MROH7: variants seen among roughly 807,000 people sequenced by gnomAD.
MROH7 encodes maestro heat-like repeat-containing protein family member 7.
MROH7 carries 113 observed loss-of-function variants against 129.2 expected under a neutral mutation model. That is an observed-to-expected ratio of 0.87 (90% confidence interval 0.75 to 1.02). MROH7 has a LOEUF of 1.02. Among genes scored for constraint, MROH7 ranks in the 50% least tolerant of loss-of-function variants. The probability of loss-of-function intolerance (pLI) is 0.00; values close to 1 mark genes in which losing one functional copy is unlikely to be tolerated. For missense variants in MROH7, 1,601 were observed against 1,671.3 expected, an observed-to-expected ratio of 0.96 and a Z score of 0.73; for synonymous variants, 655 against 667.9, an observed-to-expected ratio of 0.98 and a Z score of 0.30.
At chr1:54,660,410 GAC>G (rs2101082615) in intron 3 of MROH7, among the ~76,000 whole-genome samples, 2 of 152,264 alleles carry the variant, frequency 1.3e-5, no homozygotes, top group East Asian at 3.9e-4. Context: ...TTTTGAAGGG[GAC>G]ACAAATATTC....
In MROH7 at chr1:54,672,167, A is replaced by G. The variant is rs79243912; in HGVS notation, c.1600-924A>G. Among the ~76,000 whole-genome samples, 1,224 of 152,096 alleles carry G rather than the reference A, an allele frequency of 8.0e-3. 19 individuals carry two copies. The highest frequency in any genetic ancestry group is 0.027 in the African/African-American group (1,138 of 41,474). On this transcript the variant is annotated intron_variant, in intron 7 of 23. Transcript: ENST00000421030. ...AGACTGGGGTTGTGGGGGTGACTGA[A>G]AAAAGGAGGCCGCCCTCTTGTAGTA... is the stretch of plus-strand genomic sequence containing the variant.
intron 17 of MROH7, chr1:54,695,765 A>T: frequency 2.2e-6 from 1 of 464,932 alleles, no homozygotes; most frequent in Non-Finnish European, 4.0e-6. Flanking sequence ...GAGACATATA[A>T]ATGTGAATTT....
chr1:54,701,978 G>A, intron 19 of MROH7, 112 bp from the exon 20 acceptor site: 2 of 959,844 alleles, frequency 2.1e-6, no homozygotes, highest in Non-Finnish European at 2.9e-6. Context: ...GCTGGGAAGA[G>A]TCGGGAGAGT....
intron 3 of MROH7, among the ~76,000 whole-genome samples, chr1:54,658,631 A>G (rs1644684430): frequency 6.6e-6 from 1 of 152,218 alleles, no homozygotes; most frequent in South Asian, 2.1e-4. Flanking sequence ...TTATAGAAGT[A>G]TACACTGTGG....
chr1:54,679,162 A>G (rs1645027796), intron 11 of MROH7, 101 bp from the exon 12 acceptor site: 24 of 1,185,718 alleles, frequency 2.0e-5, no homozygotes, highest in South Asian at 8.6e-5. Context: ...TGACCTCTGC[A>G]TGTGGGCGTC....
rs561951113 is a variant in MROH7 at position 54,679,577 on chromosome 1, G to A, written c.2226+138G>A. ...CCCCTAAGCCATGGGGCAGGGAAGG[G>A]GTGCTGGTGGCTGAGTTCTAGGTGC... On this transcript the variant is annotated intron_variant, in intron 12 of 23. Transcript: ENST00000421030. 2.2e-4 allele frequency: 212 copies of A among 984,130 alleles called. 1 individual carries two copies. The African/African-American group carries it at 3.3e-3, about 15-fold the overall frequency. The allele number at this position is 984,130 out of a possible 1,614,324, so 61.0% of individuals were successfully genotyped here. A position where few individuals can be genotyped will look rare whatever the true frequency, so the allele number is the denominator to read the frequency against.
At chr1:54,694,238 TTAA>T (rs1645285752) in intron 16 of MROH7, among the ~76,000 whole-genome samples, 2 of 152,230 alleles carry the variant, frequency 1.3e-5, no homozygotes, top group African/African-American at 2.4e-5. Context: ...CCCAGAGAAG[TTAA>T]GCATCTTTCC....
intron 14 of MROH7, 108 bp from the exon 15 acceptor site, chr1:54,686,150 G>C: frequency 1.0e-6 from 1 of 996,230 alleles, no homozygotes; most frequent in East Asian, 2.6e-5. Flanking sequence ...TGGGCCAGAG[G>C]ACAGCAAAGA....
At chr1:54,694,966 T>C (rs1645297400) in intron 16 of MROH7, among the ~76,000 whole-genome samples, 2 of 152,086 alleles carry the variant, frequency 1.3e-5, no homozygotes, top group East Asian at 1.9e-4. Context: ...ATCTATGAAA[T>C]GGGGATAATA....
intron 4 of MROH7, among the ~76,000 whole-genome samples, chr1:54,667,793 G>A (rs1283031146): frequency 1.3e-5 from 2 of 151,798 alleles, no homozygotes; most frequent in African/African-American, 4.8e-5. Flanking sequence ...AAAATCAGCT[G>A]GGCATGGTGG....
At chr1:54,670,599 TC>T (rs1644882276) in intron 6 of MROH7, 23 bp downstream of exon 6, 1 of 1,600,874 alleles carries the variant, frequency 6.2e-7, no homozygotes, top group African/African-American at 1.3e-5. Flanking sequence ...CTCTCCCTGT[TC>T]CCACAGCCCC....
chr1:54,685,166 G>C (rs1204522092), intron 14 of MROH7, among the ~76,000 whole-genome samples: 2 of 151,952 alleles, frequency 1.3e-5, no homozygotes, highest in Non-Finnish European at 2.9e-5. Context: ...ACAGGCACCC[G>C]CCACCACACC....
At chr1:54,670,697 T>C (rs1385309767) in intron 6 of MROH7, 103 bp from the exon 7 acceptor site, 15 of 1,425,734 alleles carry the variant, frequency 1.1e-5, no homozygotes, top group African/African-American at 1.4e-5. Context: ...CGGTGCCTTT[T>C]CCCCTCCCCT....
chr1:54,659,082 T>G (rs567172286), intron 3 of MROH7: 3 of 438,778 alleles, frequency 6.8e-6, no homozygotes, highest in South Asian at 1.6e-5. Context: ...TGTGTGGTTT[T>G]TTTGTTTGTT....
chr1:54,701,018 G>T, intron 18 of MROH7, 125 bp from the exon 19 acceptor site: 1 of 1,030,542 alleles, frequency 9.7e-7, no homozygotes, highest in African/African-American at 1.6e-5. Context: ...AGGTGGGATG[G>T]CATAGGCCAA....
chr1:54,656,213 T>C (rs931076035), intron 3 of MROH7, among the ~76,000 whole-genome samples: 6 of 151,648 alleles, frequency 4.0e-5, no homozygotes, highest in Non-Finnish European at 8.8e-5. Flanking sequence ...CTTTTTTAAT[T>C]GAAAAGTTTT....
At chr1:54,704,989 G>T (rs1247526423) in intron 21 of MROH7, among the ~76,000 whole-genome samples, 1 of 150,444 alleles carries the variant, frequency 6.6e-6, no homozygotes, top group Non-Finnish European at 1.5e-5. Context: ...AGTAGAGACG[G>T]AGTTTCTCCA....
rs767819886 is a variant in MROH7, at chr1:54,710,067, G to A, written c.3852G>A (p.Val1284=). Residue 1284 remains valine (V), a synonymous_variant, in exon 24 of 24, where the codon GTG becomes GTA. Coordinates refer to ENST00000421030, the MANE Select transcript of MROH7 (RefSeq NM_001039464.4). ...GGCTGCCGCACGGGAACTCATGGGTGTGTTACTCAGCCACCACCCACCGCT... is the reference window on the plus strand; with the variant it reads ...GGCTGCCGCACGGGAACTCATGGGTATGTTACTCAGCCACCACCCACCGCT... ...NSWLPHGNSW[V]CYSATTHRWS... is the part of the protein sequence containing the mutation. The A allele has an allele frequency of 6.2e-7, 1 of 1,614,090 alleles. No individual in the cohort carries two copies. Among genetic ancestry groups the A allele is most frequent in the Non-Finnish European group, 8.5e-7 (1 of 1,180,022 alleles).
At chr1:54,658,880 C>G (rs370209715) in intron 3 of MROH7, among the ~76,000 whole-genome samples, 1 of 152,130 alleles carries the variant, frequency 6.6e-6, no homozygotes, top group East Asian at 1.9e-4. Flanking sequence ...TAGCAACCTC[C>G]CATTGCCACC....
Sources: allele counts gnomAD v4.1 joint callset (sites outside exome capture counted in the v4.1 genomes callset), GRCh38; gene constraint gnomAD v4.1.1; transcripts MANE v1.5; gene names NCBI Gene and HGNC (gene_info 2026-07-23, HGNC 2026-07-21).